WDFY3: variants seen among roughly 807,000 people sequenced by gnomAD.
WDFY3 encodes WD repeat and FYVE domain-containing protein 3.
A neutral mutation model predicts 409.6 loss-of-function variants in WDFY3; 66 were observed. The ratio of observed to expected loss-of-function variants is 0.16; its 90% CI spans 0.13 to 0.20. The LOEUF (loss-of-function observed/expected upper bound fraction) is 0.20. WDFY3 is among the 10% of genes least tolerant of loss of function. WDFY3 has a pLI of 1.00. For missense variants in WDFY3, 3,031 were observed against 4,298.1 expected (o/e 0.71, Z 8.24); for synonymous variants, 1,521 against 1,537.1 (o/e 0.99, Z 0.25).
chr4:84,873,141 TATA>T (rs1439173840), intron 3 of WDFY3, among the ~76,000 whole-genome samples: 4 of 152,190 alleles, frequency 2.6e-5, no homozygotes, highest in Non-Finnish European at 5.9e-5. Context: ...TCAATACATA[TATA>T]GTTTACCTGA....
rs750862441 is a variant in WDFY3, at chr4:84,672,455, T to A, written c.*413A>T. On this transcript the variant is annotated 3_prime_UTR_variant, in exon 68 of 68. Transcript: ENST00000295888. Reference sequence around the variant, plus strand: ...CTTTTATATCTATTTACAATATACATAGTTACTTGCAAAGAAGTCAGATTT... The same window carrying A: ...CTTTTATATCTATTTACAATATACAAAGTTACTTGCAAAGAAGTCAGATTT... 6.4e-6 allele frequency: 1 copy of A among 155,878 alleles called. No individual in the cohort carries two copies. The highest frequency in any genetic ancestry group is 2.4e-5 in the African/African-American group (1 of 41,506). 9.7% of individuals were successfully genotyped at this position (155,878 alleles called of 1,614,324 possible). A position where few individuals can be genotyped will look rare whatever the true frequency, so the allele number is the denominator to read the frequency against.
At chr4:84,771,837 A>C (rs1423786392) in intron 30 of WDFY3, among the ~76,000 whole-genome samples, 1 of 152,226 alleles carries the variant, frequency 6.6e-6, no homozygotes, top group Non-Finnish European at 1.5e-5. Flanking sequence ...AAATATCAGC[A>C]TCATTCTAAA....
intron 62 of WDFY3, among the ~76,000 whole-genome samples, chr4:84,684,798 A>C (rs1263015398): frequency 6.6e-6 from 1 of 152,168 alleles, no homozygotes; most frequent in African/African-American, 2.4e-5. Flanking sequence ...GAAAAGAACA[A>C]CCTATTTTCT....
In WDFY3 at chr4:84,787,639, G is replaced by A. The variant is rs34548715; in HGVS notation, c.3744C>T (p.Tyr1248=). 0.035 allele frequency: 56,968 copies of A among 1,614,186 alleles called. 1,169 individuals carry two copies. The highest frequency in any genetic ancestry group is 0.049 in the South Asian group (4,494 of 91,086). The change falls in exon 23 of 68, where the codon TAC becomes TAT. Residue 1248 remains tyrosine (Y), a synonymous_variant. Transcript: ENST00000295888. ...GGCGTTGGGCAGGTGGAGTACCAAT[G>A]TAGGCATAGACCGTGCTCACCACTG... The part of the protein sequence containing the change: ...NPPVVSTVYA[Y]IGTPPAQRQI...
chr4:84,804,420 T>C (rs1751170325), intron 15 of WDFY3, among the ~76,000 whole-genome samples: 1 of 152,146 alleles, frequency 6.6e-6, no homozygotes, highest in Non-Finnish European at 1.5e-5. Flanking sequence ...TAGCAAAGAA[T>C]TGGCACTGCC....
chr4:84,756,909 T>C lies in WDFY3; in HGVS notation c.5424+17A>G, dbSNP rs1402712510. 1 of 1,610,806 alleles carries C rather than the reference T, an allele frequency of 6.2e-7. No individual in the cohort carries two copies. The highest frequency in any genetic ancestry group is 8.5e-7 in the Non-Finnish European group (1 of 1,177,502). On this transcript the variant is annotated intron_variant, in intron 33 of 67. Coordinates refer to ENST00000295888, the MANE Select transcript of WDFY3 (RefSeq NM_014991.6). ...GGAATACGTAATTTCACGCACCCCT[T>C]GCTAGATAATTCCTACCTGGCAACC...
At chr4:84,909,358 T>C (rs535151613) in intron 2 of WDFY3, among the ~76,000 whole-genome samples, 9 of 152,158 alleles carry the variant, frequency 5.9e-5, no homozygotes, top group South Asian at 2.1e-4. Context: ...TAATTCTAAA[T>C]ACCAAATAAC....
chr4:84,809,656 GAACT>G (rs1752146020), intron 14 of WDFY3: 1 of 415,128 alleles, frequency 2.4e-6, no homozygotes. Context: ...ACTGCAATGA[GAACT>G]AATTGAACCT....
At chr4:84,831,283 T>C in intron 8 of WDFY3, 130 bp downstream of exon 8, 1 of 749,810 alleles carries the variant, frequency 1.3e-6, no homozygotes, top group Non-Finnish European at 1.9e-6. Context: ...TATTTTCTTT[T>C]CTCTGGGCAA....
intron 36 of WDFY3, among the ~76,000 whole-genome samples, chr4:84,750,169 A>C (rs1740253829): frequency 6.6e-6 from 1 of 152,130 alleles, no homozygotes; most frequent in Non-Finnish European, 1.5e-5. Context: ...TCAAATTTTT[A>C]CCCTATACAG....
chr4:84,893,097 G>A (rs1242251404), intron 3 of WDFY3, among the ~76,000 whole-genome samples: 3 of 152,154 alleles, frequency 2.0e-5, no homozygotes, highest in Non-Finnish European at 2.9e-5. Context: ...AGAGTGTTAA[G>A]CTCTCAAATG....
chr4:84,832,996 T>C lies in WDFY3; in HGVS notation c.577-1391A>G, dbSNP rs148445070. On this transcript the variant is annotated intron_variant, in intron 7 of 67. Coordinates refer to ENST00000295888, the MANE Select transcript of WDFY3 (RefSeq NM_014991.6). ...TTTCTATACAAGTAATAGAGGATAT[T>C]AGAGTATAAATAATCTTCATTTCAG... Among the ~76,000 whole-genome samples the C allele has an allele frequency of 7.2e-5, 11 of 152,198 alleles. No homozygotes were observed. In the East Asian group the frequency reaches 2.1e-3, roughly 29 times the overall value.
At chr4:84,729,596 A>C (rs1188617211) in intron 44 of WDFY3, among the ~76,000 whole-genome samples, 1 of 152,048 alleles carries the variant, frequency 6.6e-6, no homozygotes, top group Non-Finnish European at 1.5e-5. Flanking sequence ...ATTTAAAATC[A>C]ATAAATAAAA....
intron 2 of WDFY3, among the ~76,000 whole-genome samples, chr4:84,903,137 A>G (rs775285264): frequency 1.7e-4 from 26 of 152,196 alleles, no homozygotes; most frequent in Non-Finnish European, 3.1e-4. Context: ...GAAAAAAGAG[A>G]GTATCAGTAA....
intron 10 of WDFY3, among the ~76,000 whole-genome samples, chr4:84,826,513 G>A (rs370557092): frequency 5.9e-5 from 9 of 152,108 alleles, no homozygotes; most frequent in Non-Finnish European, 8.8e-5. Flanking sequence ...AGAAATGCAC[G>A]AAGTGCCAAC....
Position 84,928,748 on chromosome 4 carries a change from G to A in WDFY3, c.-132+3522C>T, listed in dbSNP as rs77894619. Among the ~76,000 whole-genome samples the A allele has an allele frequency of 3.7e-3, 563 of 152,192 alleles. 3 individuals carry two copies. The highest frequency in any genetic ancestry group is 0.013 in the African/African-American group (537 of 41,514). ...AATTAAGGTAATCTTAATAACCTCA[G>A]ACCTCTTACTCTTAAATTTTTTTAG... On this transcript the variant is annotated intron_variant, in intron 2 of 67. Coordinates refer to ENST00000295888, the MANE Select transcript of WDFY3 (RefSeq NM_014991.6).
chr4:84,865,764 C>T (rs982369141), intron 3 of WDFY3, among the ~76,000 whole-genome samples: 1 of 152,068 alleles, frequency 6.6e-6, no homozygotes. Flanking sequence ...AAGTCTGACA[C>T]GTTGCTCTTT....
chr4:84,703,904 C>T (rs1731495079), intron 55 of WDFY3, among the ~76,000 whole-genome samples: 1 of 152,180 alleles, frequency 6.6e-6, no homozygotes, highest in Non-Finnish European at 1.5e-5. Flanking sequence ...TAAGGCTTTT[C>T]TCTTTATTAA....
At chr4:84,940,879 T>C (rs1772024638) in intron 1 of WDFY3, among the ~76,000 whole-genome samples, 1 of 152,012 alleles carries the variant, frequency 6.6e-6, no homozygotes, top group Non-Finnish European at 1.5e-5. Context: ...ATTCAAAAAA[T>C]TAACATAATT....
Sources: allele counts gnomAD v4.1 joint callset (sites outside exome capture counted in the v4.1 genomes callset), GRCh38; gene constraint gnomAD v4.1.1; transcripts MANE v1.5; gene names NCBI Gene and HGNC (gene_info 2026-07-23, HGNC 2026-07-21).